Variants in DCUN1D3 observed in about 807,000 individuals in gnomAD.
DCUN1D3 encodes DCN1-like protein 3.
Under a neutral mutation model 24.8 loss-of-function variants are expected in DCUN1D3, and 6 were observed. That is an observed-to-expected ratio of 0.24 (90% CI 0.13 to 0.48). The LOEUF is 0.48. Among genes scored for constraint, DCUN1D3 ranks in the 20% least tolerant of loss-of-function variants. DCUN1D3 has a pLI of 0.99. For synonymous variants in DCUN1D3, 120 were observed against 144.9 expected (o/e 0.83, Z 1.24); for missense variants, 258 against 379.4 (o/e 0.68, Z 2.66).
At chr16:20,865,063 GA>G (rs1311238698) in intron 1 of DCUN1D3, among the ~76,000 whole-genome samples, 11 of 151,958 alleles carry the variant, frequency 7.2e-5, no homozygotes, top group African/African-American at 2.7e-4. Flanking sequence ...CCTGGGTGAT[GA>G]AATAATATGT....
In DCUN1D3 at chr16:20,880,124, C is replaced by T. The variant is rs138744809; in HGVS notation, c.-105-17481G>A. 1.5e-3 allele frequency among the ~76,000 whole-genome samples: 231 copies of T among 152,268 alleles called. 1 individual carries two copies. Among genetic ancestry groups the T allele is most frequent in the African/African-American group, 5.3e-3 (222 of 41,558 alleles). On this transcript the variant is annotated intron_variant, in intron 1 of 2. Transcript: ENST00000324344. ...TTATAATATACTTTATTATGTCTAT[C>T]GTGCGTCCAAGGCTTAAATGCATTA...
In DCUN1D3 at chr16:20,868,524, T is replaced by C. The variant is rs1314081159; in HGVS notation, c.-105-5881A>G. On this transcript the variant is annotated intron_variant, in intron 1 of 2. Transcript: ENST00000324344. ...GAGGCAGTTGTACCTCAAAGCACTATTGGGTAGAATAAATAACGCAGGTAA... is the reference window on the plus strand; with the variant it reads ...GAGGCAGTTGTACCTCAAAGCACTACTGGGTAGAATAAATAACGCAGGTAA... 2.6e-5 allele frequency among the ~76,000 whole-genome samples: 4 copies of C among 152,302 alleles called. No individual in the cohort carries two copies. The East Asian group carries it at 7.7e-4, about 29-fold the overall frequency.
chr16:20,872,566 A>C (rs578075822), intron 1 of DCUN1D3, among the ~76,000 whole-genome samples: 2 of 152,194 alleles, frequency 1.3e-5, no homozygotes, highest in Admixed American at 1.3e-4. Flanking sequence ...AGCAGACAGG[A>C]AGAGGAAGAG....
chr16:20,892,267 A>C (rs1367674576), intron 1 of DCUN1D3, among the ~76,000 whole-genome samples: 1 of 152,212 alleles, frequency 6.6e-6, no homozygotes, highest in African/African-American at 2.4e-5. Flanking sequence ...GTAGACACAC[A>C]GCATTCACTC....
intron 1 of DCUN1D3, among the ~76,000 whole-genome samples, chr16:20,866,313 C>G (rs1472134918): frequency 2.6e-5 from 4 of 152,208 alleles, no homozygotes; most frequent in African/African-American, 9.6e-5. Context: ...CACAGACTGG[C>G]AACTCTAATT....
chr16:20,898,567 G>A (rs1190052773), intron 1 of DCUN1D3, among the ~76,000 whole-genome samples: 2 of 152,290 alleles, frequency 1.3e-5, no homozygotes, highest in East Asian at 3.9e-4. Context: ...TTCTTCTGTT[G>A]TATTTTTGTG....
At position 20,858,586 on chromosome 16, in the gene DCUN1D3, T is replaced by TG. The variant is rs1378558379; in HGVS notation, c.*1299dup. On this transcript the variant is annotated 3_prime_UTR_variant, in exon 3 of 3. Coordinates refer to ENST00000324344, the MANE Select transcript of DCUN1D3 (RefSeq NM_173475.4). ...TTTTATATATGTATATATACATATT[T>TG]GGGGGTAGGGAAAGGAGAGGAGGGT... is the stretch of plus-strand genomic sequence containing the variant. 1 of 148,800 alleles carries TG rather than the reference T, an allele frequency of 6.7e-6. No homozygotes were observed. The highest frequency in any genetic ancestry group is 2.5e-5 in the African/African-American group (1 of 40,502). The allele number at this position is 148,800 out of a possible 1,614,324, so 9.2% of individuals were successfully genotyped here.
intron 1 of DCUN1D3, among the ~76,000 whole-genome samples, chr16:20,869,942 G>A (rs529438916): frequency 6.6e-6 from 1 of 152,248 alleles, no homozygotes; most frequent in South Asian, 2.1e-4. Context: ...CCCCTAAGGA[G>A]GTCCTGGTGC....
intron 1 of DCUN1D3, among the ~76,000 whole-genome samples, chr16:20,881,974 T>C (rs1331660339): frequency 6.6e-6 from 1 of 151,798 alleles, no homozygotes; most frequent in East Asian, 2.0e-4. Context: ...AGCTAATTCT[T>C]GTATTTTTAG....
intron 1 of DCUN1D3, 136 bp from the exon 2 acceptor site, chr16:20,862,779 C>T (rs2081740365): frequency 1.2e-6 from 1 of 819,728 alleles, no homozygotes. Context: ...CTGAGTTCAT[C>T]ATCCCCTTCA....
intron 1 of DCUN1D3, among the ~76,000 whole-genome samples, chr16:20,867,683 G>T (rs1817469958): frequency 1.3e-5 from 2 of 152,210 alleles, no homozygotes; most frequent in Non-Finnish European, 2.9e-5. Context: ...AGCTGTTACT[G>T]TATCAGTAGT....
At chr16:20,895,079 A>G (rs1023138343) in intron 1 of DCUN1D3, among the ~76,000 whole-genome samples, 1 of 152,208 alleles carries the variant, frequency 6.6e-6, no homozygotes, top group African/African-American at 2.4e-5. Flanking sequence ...GCAACTATTT[A>G]CATACCACTT....
intron 1 of DCUN1D3, chr16:20,868,903 C>T (rs542441311): frequency 1.3e-5 from 2 of 152,348 alleles, no homozygotes; most frequent in East Asian, 1.9e-4. Context: ...ACCTGAAAGA[C>T]CAAAGACAGC....
chr16:20,859,948 C>A lies in DCUN1D3; in HGVS notation c.853G>T (p.Gly285Trp), dbSNP rs1170755803. ...EWEMERRKREGEGRGALSSGP... is the reference protein window; with the variant it reads ...EWEMERRKREWEGRGALSSGP... ...GAGCTGAGTGCACCTCTCCCTTCCC[C>A]TTCTCTTTTCCTTCGCTCCATTTCC... The change falls in exon 3 of 3, where the codon GGG becomes TGG. Residue 285 changes from glycine (G) to tryptophan (W), a missense_variant. Physicochemically the swap from Gly to Trp is radical, Grantham distance 184. Transcript: ENST00000324344. 6.2e-7 allele frequency: 1 copy of A among 1,614,214 alleles called. No homozygotes were observed. Among genetic ancestry groups the A allele is most frequent in the Non-Finnish European group, 8.5e-7 (1 of 1,180,034 alleles).
Position 20,859,849 on chromosome 16 carries a change from C to T in DCUN1D3, c.*37G>A. 6.5e-7 allele frequency: 1 copy of T among 1,546,254 alleles called. No homozygotes were observed. Among genetic ancestry groups the T allele is most frequent in the East Asian group, 2.3e-5 (1 of 44,106 alleles). ...AATTCCTCAGTTGGCTGCAGGGCAG[C>T]TGGCAGATCCTTGCTGCTGCTCCTG... On this transcript the variant is annotated 3_prime_UTR_variant, in exon 3 of 3. Transcript: ENST00000324344.
At chr16:20,870,107 T>C (rs1306878489) in intron 1 of DCUN1D3, among the ~76,000 whole-genome samples, 4 of 152,198 alleles carry the variant, frequency 2.6e-5, no homozygotes, top group African/African-American at 9.6e-5. Flanking sequence ...TTAACCTCTC[T>C]GAGTTTCTGT....
At chr16:20,871,994 C>T (rs894489786) in intron 1 of DCUN1D3, among the ~76,000 whole-genome samples, 26 of 152,198 alleles carry the variant, frequency 1.7e-4, no homozygotes, top group African/African-American at 5.6e-4. Flanking sequence ...TCTTCATCTC[C>T]GTTATAAGCT....
intron 1 of DCUN1D3, among the ~76,000 whole-genome samples, chr16:20,863,580 C>A (rs9935891): frequency 2.6e-5 from 4 of 151,826 alleles, no homozygotes; most frequent in African/African-American, 9.7e-5. Flanking sequence ...CCTGTCTCTA[C>A]GAAAAATAGA....
At chr16:20,881,312 G>GCTCT (rs2081842369) in intron 1 of DCUN1D3, among the ~76,000 whole-genome samples, 1 of 152,070 alleles carries the variant, frequency 6.6e-6, no homozygotes, top group African/African-American at 2.4e-5. Context: ...GAGGCTGAGG[G>GCTCT]GAGAGAACTG....
Sources: allele counts gnomAD v4.1 joint callset (sites outside exome capture counted in the v4.1 genomes callset), GRCh38; gene constraint gnomAD v4.1.1; transcripts MANE v1.5; gene names NCBI Gene and HGNC (gene_info 2026-07-23, HGNC 2026-07-21).